ALPK2: variants seen among roughly 807,000 people sequenced by gnomAD.
ALPK2 encodes alpha kinase 2.
Under a neutral mutation model 163.1 loss-of-function variants are expected in ALPK2, and 127 were observed. That is an observed-to-expected ratio of 0.78 (90% CI 0.67 to 0.90). ALPK2 has a LOEUF of 0.90. Ranked by LOEUF, ALPK2 falls within the 40% of genes least tolerant of loss-of-function variation. The pLI is 0.00. For synonymous variants in ALPK2, 953 were observed against 959.1 expected, an observed-to-expected ratio of 0.99 and a Z score of 0.12; for missense variants, 2,360 against 2,589.6, an observed-to-expected ratio of 0.91 and a Z score of 1.92.
At chr18:58,623,432 G>A (rs551897822) in intron 1 of ALPK2, among the ~76,000 whole-genome samples, 91 of 152,162 alleles carry the variant, frequency 6.0e-4, no homozygotes, top group African/African-American at 2.0e-3. Context: ...AAAAAGGGCC[G>A]TAGGGTGCAG....
rs185216582 is a variant in ALPK2 at position 58,607,792 on chromosome 18, G to A, written c.110-353C>T. On this transcript the variant is annotated intron_variant, in intron 2 of 12. Coordinates refer to ENST00000361673, the MANE Select transcript of ALPK2 (RefSeq NM_052947.4). ...TTTTCAATGTCATATGAAGGCAAAG[G>A]CCCATCCAAGCATGATCTTGGGTCA... Among the ~76,000 whole-genome samples the A allele has an allele frequency of 5.3e-5, 8 of 152,202 alleles. 1 individual carries two copies. The highest frequency in any genetic ancestry group is 2.6e-4 in the Admixed American group (4 of 15,286).
chr18:58,539,676 G>A (rs1353575515), intron 4 of ALPK2, among the ~76,000 whole-genome samples: 1 of 152,212 alleles, frequency 6.6e-6, no homozygotes, highest in African/African-American at 2.4e-5. Flanking sequence ...GGGTGGGGAT[G>A]AAGTCTGTCT....
At chr18:58,492,146 GAC>G (rs60280063) in intron 12 of ALPK2, among the ~76,000 whole-genome samples, 20,170 of 151,358 alleles carry the variant, frequency 0.13, 1,414 homozygotes, top group Non-Finnish European at 0.16. Context: ...GGTCTCTTTA[GAC>G]ACACACACAC....
intron 1 of ALPK2, among the ~76,000 whole-genome samples, chr18:58,619,561 C>G (rs1215732815): frequency 6.6e-6 from 1 of 152,120 alleles, no homozygotes; most frequent in Admixed American, 6.5e-5. Context: ...ATATTACATA[C>G]GTTTCTGTTA....
At chr18:58,538,327 T>C in intron 4 of ALPK2, 103 bp from the exon 5 acceptor site, 1 of 1,017,672 alleles carries the variant, frequency 9.8e-7, no homozygotes, top group South Asian at 1.6e-5. Context: ...ACCGTAATAA[T>C]GGACAAGAAT....
Position 58,523,063 on chromosome 18 carries a change from CT to C in ALPK2, c.5665+742del, listed in dbSNP as rs1224827172. On this transcript the variant is annotated intron_variant, in intron 8 of 12. Transcript: ENST00000361673. ...TATCTCCTAATGCTAACCCTCCCCC[CT>C]CCCCCCACCCCACAACAGTCCCCAG... is the stretch of plus-strand genomic sequence containing the variant. Among the ~76,000 whole-genome samples, 342 of 94,608 alleles carry C rather than the reference CT, an allele frequency of 3.6e-3. 5 individuals are homozygous for C. The highest frequency in any genetic ancestry group is 0.014 in the African/African-American group (322 of 22,854). The allele number at this position is 94,608 out of a possible 152,430, so 62.1% of individuals were successfully genotyped here. A position where few individuals can be genotyped will look rare whatever the true frequency, so the allele number is the denominator to read the frequency against.
chr18:58,564,817 A>T (rs1240605521), intron 4 of ALPK2, among the ~76,000 whole-genome samples: 2 of 152,200 alleles, frequency 1.3e-5, no homozygotes, highest in African/African-American at 4.8e-5. Context: ...TCTAGCTCCC[A>T]GTTTATGTCT....
At chr18:58,585,898 G>A (rs2051984511) in intron 3 of ALPK2, among the ~76,000 whole-genome samples, 1 of 152,026 alleles carries the variant, frequency 6.6e-6, no homozygotes, top group African/African-American at 2.4e-5. Context: ...TGGCCAGGCT[G>A]GTCTCAAACT....
intron 3 of ALPK2, among the ~76,000 whole-genome samples, chr18:58,602,341 C>A (rs866858336): frequency 1.3e-5 from 2 of 152,186 alleles, no homozygotes; most frequent in Non-Finnish European, 2.9e-5. Flanking sequence ...AACAAACTAC[C>A]GCAAACTGGG....
rs746869681 is a variant in ALPK2, at chr18:58,537,680, C to A, written c.2507G>T (p.Cys836Phe). 26 of 1,613,898 alleles carry A rather than the reference C, an allele frequency of 1.6e-5. No homozygotes were observed. Among genetic ancestry groups the A allele is most frequent in the Non-Finnish European group, 1.9e-5 (22 of 1,179,912 alleles). Residue 836 changes from cysteine to phenylalanine, a missense_variant, in exon 5 of 13, where the codon TGC (cysteine) becomes TTC (phenylalanine). Cys to Phe is a radical substitution (Grantham distance 205, BLOSUM62 -2). Coordinates refer to ENST00000361673, the MANE Select transcript of ALPK2 (RefSeq NM_052947.4). ...TTCTGCCAGTTCCGTATCTACAGAGCAAATTTCTTGAGGCGAATATTTATC... is the reference window on the plus strand; with the variant it reads ...TTCTGCCAGTTCCGTATCTACAGAGAAAATTTCTTGAGGCGAATATTTATC... ...PVDKYSPQEI[C>F]SVDTELAEGQ...
chr18:58,562,439 GC>G (rs757062245), intron 4 of ALPK2, among the ~76,000 whole-genome samples: 19 of 152,322 alleles, frequency 1.2e-4, no homozygotes, highest in Non-Finnish European at 2.6e-4. Flanking sequence ...TCAGAAAAAT[GC>G]CTTACTGAAG....
chr18:58,516,135 C>T (rs2051520119), intron 9 of ALPK2, among the ~76,000 whole-genome samples: 1 of 151,658 alleles, frequency 6.6e-6, no homozygotes, highest in South Asian at 2.1e-4. Flanking sequence ...AGGAGGGTTG[C>T]TTAAGGCCAG....
intron 3 of ALPK2, among the ~76,000 whole-genome samples, chr18:58,596,496 C>T (rs969465508): frequency 3.9e-5 from 6 of 152,176 alleles, no homozygotes; most frequent in African/African-American, 1.4e-4. Flanking sequence ...CTGCAGCAGC[C>T]GCCGCAGGGA....
chr18:58,538,147 C>G lies in ALPK2; in HGVS notation c.2040G>C (p.Glu680Asp). ...MPAFSEPAGE[E>D]SPFTGTTTIS... The stretch of plus-strand genomic sequence containing the variant: ...TTGTTGTGGTCCCAGTGAATGGGGA[C>G]TCCTCCCCAGCAGGCTCTGAGAAAG... The change falls in exon 5 of 13, where the codon GAG becomes GAC. Residue 680 changes from glutamate (E) to aspartate (D), a missense_variant. Glu to Asp is a conservative substitution (Grantham distance 45). Coordinates refer to ENST00000361673, the MANE Select transcript of ALPK2 (RefSeq NM_052947.4). 1 of 1,613,766 alleles carries G rather than the reference C, an allele frequency of 6.2e-7. No homozygotes were observed. The highest frequency in any genetic ancestry group is 8.5e-7 in the Non-Finnish European group (1 of 1,179,792).
intron 3 of ALPK2, among the ~76,000 whole-genome samples, chr18:58,603,203 C>G (rs1384847906): frequency 1.3e-5 from 2 of 152,138 alleles, no homozygotes; most frequent in African/African-American, 4.8e-5. Flanking sequence ...GGATTGGAAC[C>G]CCTTTTCCGT....
chr18:58,495,734 T>G (rs1221441335), intron 12 of ALPK2, among the ~76,000 whole-genome samples: 1 of 152,214 alleles, frequency 6.6e-6, no homozygotes, highest in Non-Finnish European at 1.5e-5. Context: ...GGCTAAGACA[T>G]GAGGAGCGAA....
chr18:58,541,699 A>G (rs1376386659), intron 4 of ALPK2, among the ~76,000 whole-genome samples: 5 of 152,242 alleles, frequency 3.3e-5, no homozygotes, highest in Non-Finnish European at 7.3e-5. Context: ...AGTTACGTTG[A>G]AGCAACAAAC....
chr18:58,591,203 C>T (rs1046861845), intron 3 of ALPK2, among the ~76,000 whole-genome samples: 6 of 152,262 alleles, frequency 3.9e-5, no homozygotes, highest in Middle Eastern at 3.4e-3. Flanking sequence ...CAACCCTGCA[C>T]TAAATGCTTC....
At chr18:58,578,460 T>A (rs1699386256) in intron 4 of ALPK2, 1 of 175,766 alleles carries the variant, frequency 5.7e-6, no homozygotes. Context: ...TTGAGAAACT[T>A]TCTGAATAGT....
Sources: allele counts gnomAD v4.1 joint callset (sites outside exome capture counted in the v4.1 genomes callset), GRCh38; gene constraint gnomAD v4.1.1; transcripts MANE v1.5; gene names NCBI Gene and HGNC (gene_info 2026-07-23, HGNC 2026-07-21).